The following PDE3A variants were observed in gnomAD, a reference collection of about 807,000 sequenced individuals.
PDE3A encodes phosphodiesterase 3A.
In PDE3A, 43 loss-of-function variants were observed where a neutral mutation model predicts 98.3. The ratio of observed to expected loss-of-function variants is 0.44; its 90% CI spans 0.34 to 0.56. The LOEUF (loss-of-function observed/expected upper bound fraction) is 0.56, where lower values mean the gene tolerates loss of function less well. PDE3A is among the 20% of genes least tolerant of loss of function. PDE3A has a pLI of 0.01. For missense variants in PDE3A, 1,427 were observed against 1,440.7 expected, an observed-to-expected ratio of 0.99 and a Z score of 0.15; for synonymous variants, 663 against 567.9, an observed-to-expected ratio of 1.17 and a Z score of -2.38.
At chr12:20,634,652 T>C in intron 7 of PDE3A, among the ~76,000 whole-genome samples, 1 of 152,202 alleles carries the variant, frequency 6.6e-6, no homozygotes, top group East Asian at 1.9e-4. Flanking sequence ...GTATGAACTG[T>C]TGATCTAAAA....
chr12:20,622,677 G>T (rs1944165061), intron 5 of PDE3A, among the ~76,000 whole-genome samples: 1 of 152,116 alleles, frequency 6.6e-6, no homozygotes, highest in Non-Finnish European at 1.5e-5. Flanking sequence ...GATTTGCTCA[G>T]TAATAAGGAG....
chr12:20,511,468 T>C (rs557625645), intron 1 of PDE3A, among the ~76,000 whole-genome samples: 115 of 151,552 alleles, frequency 7.6e-4, no homozygotes, highest in Non-Finnish European at 1.2e-3. Flanking sequence ...GATGGTGATA[T>C]GTCAGTTGGA....
chr12:20,653,818 C>A, intron 14 of PDE3A, 129 bp from the exon 15 acceptor site: 2 of 935,186 alleles, frequency 2.1e-6, no homozygotes, highest in Non-Finnish European at 3.2e-6. Context: ...TCTATAGGAA[C>A]CTTAGCACTT....
intron 1 of PDE3A, among the ~76,000 whole-genome samples, chr12:20,386,790 C>G (rs1036558775): frequency 6.6e-6 from 1 of 151,950 alleles, no homozygotes; most frequent in Non-Finnish European, 1.5e-5. Flanking sequence ...AGATCCATTT[C>G]TCAATTTTTG....
chr12:20,491,463 G>A (rs1945825177), intron 1 of PDE3A, among the ~76,000 whole-genome samples: 1 of 152,178 alleles, frequency 6.6e-6, no homozygotes, highest in South Asian at 2.1e-4. Flanking sequence ...ATGGTGCTGT[G>A]AGGTGTATCA....
chr12:20,657,473 C>T (rs1002983411), intron 15 of PDE3A, among the ~76,000 whole-genome samples: 2 of 152,106 alleles, frequency 1.3e-5, no homozygotes, highest in African/African-American at 4.8e-5. Flanking sequence ...GGAGATGTCC[C>T]AGGAAACAGA....
chr12:20,495,369 A>C (rs1158090644), intron 1 of PDE3A, among the ~76,000 whole-genome samples: 3 of 152,156 alleles, frequency 2.0e-5, no homozygotes, highest in Non-Finnish European at 2.9e-5. Context: ...CCACAAGCTC[A>C]GTGTTTTGAA....
At chr12:20,373,684 C>T (rs1290234703) in intron 1 of PDE3A, among the ~76,000 whole-genome samples, 1 of 152,058 alleles carries the variant, frequency 6.6e-6, no homozygotes, top group South Asian at 2.1e-4. Flanking sequence ...AGGCATATGA[C>T]TGTCTCCGTT....
intron 15 of PDE3A, among the ~76,000 whole-genome samples, chr12:20,657,280 G>A (rs925567313): frequency 1.3e-5 from 2 of 152,082 alleles, no homozygotes; most frequent in East Asian, 3.9e-4. Context: ...AAATGACATT[G>A]CAAGGTTGTA....
chr12:20,686,697 C>G lies in PDE3A; in HGVS notation c.*6426C>G, dbSNP rs1183592746. ...AACTCATAGGAGGAAAGCATGGCTTCTCTTCAATTATACTTCTCTTACTCA... is the reference window on the plus strand; with the variant it reads ...AACTCATAGGAGGAAAGCATGGCTTGTCTTCAATTATACTTCTCTTACTCA... On this transcript the variant is annotated 3_prime_UTR_variant, in exon 16 of 16. Coordinates refer to ENST00000359062, the MANE Select transcript of PDE3A (RefSeq NM_000921.5). Among the ~76,000 whole-genome samples the G allele has an allele frequency of 6.6e-6, 1 of 152,090 alleles. No homozygotes were observed. Among genetic ancestry groups the G allele is most frequent in the Non-Finnish European group, 1.5e-5 (1 of 67,996 alleles).
In PDE3A at chr12:20,668,522, C is replaced by A. The variant is rs533871242; in HGVS notation, c.3185-11508C>A. ...GATCTGAGAACAGGCAGACTGCCTC[C>A]TCAAGTGGGTCCCTGACCCCTGACC... On this transcript the variant is annotated intron_variant, in intron 15 of 15. Transcript: ENST00000359062. Among the ~76,000 whole-genome samples the A allele has an allele frequency of 2.6e-5, 4 of 152,332 alleles. No individual in the cohort carries two copies. In the South Asian group the frequency reaches 8.3e-4, roughly 32 times the overall value.
intron 1 of PDE3A, among the ~76,000 whole-genome samples, chr12:20,420,824 T>C (rs537288039): frequency 1.2e-3 from 190 of 152,308 alleles, no homozygotes; most frequent in Non-Finnish European, 2.2e-3. Context: ...GCTATCAGAT[T>C]ACACATAAGT....
intron 1 of PDE3A, among the ~76,000 whole-genome samples, chr12:20,464,551 A>G (rs1375002117): frequency 6.6e-6 from 1 of 152,172 alleles, no homozygotes; most frequent in African/African-American, 2.4e-5. Flanking sequence ...TATACTCTAT[A>G]TAAGTAAGAT....
chr12:20,408,495 C>A (rs1267215848), intron 1 of PDE3A, among the ~76,000 whole-genome samples: 1 of 152,170 alleles, frequency 6.6e-6, no homozygotes, highest in Non-Finnish European at 1.5e-5. Flanking sequence ...CAGCACTTCA[C>A]AGAAAATTGA....
chr12:20,590,716 A>C (rs1403812556), intron 2 of PDE3A, among the ~76,000 whole-genome samples: 1 of 152,174 alleles, frequency 6.6e-6, no homozygotes, highest in East Asian at 1.9e-4. Context: ...CAGCAGGCAC[A>C]CATTTAAATT....
chr12:20,529,159 T>A (rs1030251307), intron 1 of PDE3A, among the ~76,000 whole-genome samples: 2 of 152,142 alleles, frequency 1.3e-5, no homozygotes, highest in Non-Finnish European at 2.9e-5. Flanking sequence ...GGTCAATTAC[T>A]ACATGTATAA....
intron 5 of PDE3A, among the ~76,000 whole-genome samples, chr12:20,624,040 G>A (rs191457805): frequency 1.1e-4 from 16 of 152,104 alleles, no homozygotes; most frequent in Non-Finnish European, 2.2e-4. Flanking sequence ...ATAAATTTAA[G>A]TGTTCTAAAT....
chr12:20,646,677 AAAAG>A (rs1187139759), intron 11 of PDE3A, 70 bp from the exon 12 acceptor site: 3 of 1,438,424 alleles, frequency 2.1e-6, no homozygotes, highest in Non-Finnish European at 2.9e-6. Flanking sequence ...TTTTTTTTCA[AAAAG>A]AAAGAAGTCA....
chr12:20,417,735 C>G (rs1944445339), intron 1 of PDE3A, among the ~76,000 whole-genome samples: 1 of 152,112 alleles, frequency 6.6e-6, no homozygotes. Context: ...ATTTATAAAA[C>G]ATCTGAAATG....
Sources: gnomAD v4.1 joint callset for allele counts (sites outside exome capture counted in the v4.1 genomes callset) on GRCh38, gnomAD v4.1.1 for gene constraint, MANE v1.5 for transcripts, NCBI Gene and HGNC (gene_info 2026-07-23, HGNC 2026-07-21) for gene names.